FSIP1: variants seen among roughly 807,000 people sequenced by gnomAD.
The protein encoded by FSIP1 is fibrous sheath interacting protein 1, also known as fibrous sheath-interacting protein 1.
FSIP1 carries 65 observed loss-of-function variants against 60.9 expected under a neutral mutation model. The observed-to-expected ratio is 1.07, with a 90% CI of 0.87 to 1.31. FSIP1 has a LOEUF of 1.31. FSIP1 is among the 40% of genes most tolerant of loss of function. FSIP1 has a pLI of 0.00. For missense variants in FSIP1, 675 were observed against 665.5 expected (o/e 1.01, Z -0.16); for synonymous variants, 209 against 221.2 (o/e 0.94, Z 0.49).
chr15:39,721,656 T>C (rs1231327604), intron 9 of FSIP1, among the ~76,000 whole-genome samples: 1 of 152,180 alleles, frequency 6.6e-6, no homozygotes, highest in Non-Finnish European at 1.5e-5. Context: ...GCTGAACAAG[T>C]AACATAAATG....
chr15:39,659,310 A>C (rs1043713304), intron 10 of FSIP1, among the ~76,000 whole-genome samples: 1 of 152,178 alleles, frequency 6.6e-6, no homozygotes, highest in African/African-American at 2.4e-5. Context: ...TGGGAGGCTG[A>C]GGCTGGCGGA....
intron 5 of FSIP1, among the ~76,000 whole-genome samples, chr15:39,750,389 T>G (rs1477031662): frequency 3.3e-5 from 5 of 151,958 alleles, no homozygotes; most frequent in East Asian, 1.9e-4. Context: ...GGTGATCAAA[T>G]TAGTATTACT....
At chr15:39,663,505 A>G (rs1893382077) in intron 10 of FSIP1, among the ~76,000 whole-genome samples, 1 of 152,208 alleles carries the variant, frequency 6.6e-6, no homozygotes, top group Non-Finnish European at 1.5e-5. Context: ...AGTAAAGGGA[A>G]GGTAATGAAA....
intron 11 of FSIP1, 109 bp downstream of exon 11, chr15:39,617,626 G>A: frequency 1.1e-6 from 1 of 899,178 alleles, no homozygotes; most frequent in Non-Finnish European, 1.7e-6. Flanking sequence ...GACGCTACCT[G>A]TGACTTACAA....
rs80019330 is a variant in FSIP1, at chr15:39,732,356, A to G, written c.892-5609T>C. 8.0e-3 allele frequency among the ~76,000 whole-genome samples: 1,224 copies of G among 152,306 alleles called. 17 individuals carry two copies. The highest frequency in any genetic ancestry group is 0.025 in the African/African-American group (1,054 of 41,562). On this transcript the variant is annotated intron_variant, in intron 8 of 11. Coordinates refer to ENST00000350221, the MANE Select transcript of FSIP1 (RefSeq NM_152597.5). ...GCATGACGGTTGGGCATGGTGCCTC[A>G]CGCCTGTAATCCCAGCACTCTGGGA... is the stretch of plus-strand genomic sequence containing the variant.
intron 10 of FSIP1, among the ~76,000 whole-genome samples, chr15:39,664,799 C>T (rs1396045792): frequency 6.6e-5 from 10 of 152,188 alleles, no homozygotes; most frequent in Non-Finnish European, 1.5e-4. Context: ...CCTACATGTG[C>T]TGTCGACCTT....
chr15:39,697,003 A>C (rs1894848215), intron 10 of FSIP1, among the ~76,000 whole-genome samples: 1 of 151,432 alleles, frequency 6.6e-6, no homozygotes, highest in Non-Finnish European at 1.5e-5. Context: ...CCAAGTGTTA[A>C]CTATGCTTGT....
intron 10 of FSIP1, among the ~76,000 whole-genome samples, chr15:39,651,509 C>A (rs1892867894): frequency 6.6e-6 from 1 of 152,128 alleles, no homozygotes; most frequent in African/African-American, 2.4e-5. Flanking sequence ...TGACTTTGGG[C>A]AAGTTACTTC....
chr15:39,727,242 C>A (rs1031644465), intron 8 of FSIP1, among the ~76,000 whole-genome samples: 1 of 152,204 alleles, frequency 6.6e-6, no homozygotes, highest in Non-Finnish European at 1.5e-5. Flanking sequence ...CAAACCCATT[C>A]ATTACATTCA....
At chr15:39,626,387 TC>T (rs1244070452) in intron 10 of FSIP1, among the ~76,000 whole-genome samples, 1 of 152,074 alleles carries the variant, frequency 6.6e-6, no homozygotes, top group Non-Finnish European at 1.5e-5. Flanking sequence ...GGGGAGTGTA[TC>T]CAAAACCCTC....
At chr15:39,619,809 T>C (rs1020228716) in intron 10 of FSIP1, among the ~76,000 whole-genome samples, 3 of 152,118 alleles carry the variant, frequency 2.0e-5, no homozygotes, top group Non-Finnish European at 4.4e-5. Flanking sequence ...GTGTCATCCT[T>C]ACCAAACATC....
At chr15:39,611,289 C>T (rs773332461) in intron 11 of FSIP1, among the ~76,000 whole-genome samples, 1 of 151,790 alleles carries the variant, frequency 6.6e-6, no homozygotes, top group Non-Finnish European at 1.5e-5. Context: ...CTTAAAATAG[C>T]CTGTTATAAT....
chr15:39,781,754 T>C (rs1898272193), intron 1 of FSIP1, among the ~76,000 whole-genome samples: 1 of 152,240 alleles, frequency 6.6e-6, no homozygotes, highest in South Asian at 2.1e-4. Context: ...TATGACATTC[T>C]GGAATAGGCA....
At chr15:39,620,276 TAACTA>T (rs1328584871) in intron 10 of FSIP1, among the ~76,000 whole-genome samples, 3 of 152,306 alleles carry the variant, frequency 2.0e-5, no homozygotes, top group African/African-American at 7.2e-5. Flanking sequence ...AATTGTGACT[TAACTA>T]TTTTGGGGAA....
rs770535309 is a variant in FSIP1 at position 39,726,590 on chromosome 15, T to C, written c.1049A>G (p.Gln350Arg). The C allele has an allele frequency of 5.6e-6, 9 of 1,613,942 alleles. No individual in the cohort carries two copies. The Admixed American group carries it at 1.0e-4, about 18-fold the overall frequency. ...ACAGTCTATGGGTTCTTCAAATACC[T>C]GATTATTCCGATTTTCAAGTCTTGG... Reference protein sequence around the residue: ...FSPRLENRNNQKPDRDGERNM... With the variant: ...FSPRLENRNNRKPDRDGERNM... The change falls in exon 9 of 12, where the codon CAG becomes CGG. Residue 350 changes from glutamine (Q) to arginine (R), a missense_variant and splice_region_variant. Coordinates refer to ENST00000350221, the MANE Select transcript of FSIP1 (RefSeq NM_152597.5).
intron 5 of FSIP1, among the ~76,000 whole-genome samples, chr15:39,751,304 C>G (rs977405763): frequency 7.9e-5 from 12 of 151,792 alleles, no homozygotes; most frequent in African/African-American, 2.9e-4. Flanking sequence ...ATCACCACCT[C>G]ATAAAGACAT....
intron 10 of FSIP1, among the ~76,000 whole-genome samples, chr15:39,680,387 T>C (rs1440174967): frequency 6.6e-6 from 1 of 152,206 alleles, no homozygotes; most frequent in Non-Finnish European, 1.5e-5. Context: ...TCTGTTTTCT[T>C]TTGACATGGT....
intron 10 of FSIP1, among the ~76,000 whole-genome samples, chr15:39,711,313 CT>C (rs59160196): frequency 0.12 from 18,879 of 152,134 alleles, 1,392 homozygotes; most frequent in African/African-American, 0.2. Flanking sequence ...AATGAGTCCC[CT>C]GGGGCCTCTT....
chr15:39,745,086 G>A (rs569465057), intron 5 of FSIP1, among the ~76,000 whole-genome samples: 32 of 150,634 alleles, frequency 2.1e-4, no homozygotes, highest in African/African-American at 7.6e-4. Flanking sequence ...CCAGATTCAC[G>A]CGCCACCCCG....
Sources: allele counts gnomAD v4.1 joint callset (sites outside exome capture counted in the v4.1 genomes callset), GRCh38; gene constraint gnomAD v4.1.1; transcripts MANE v1.5; gene names NCBI Gene and HGNC (gene_info 2026-07-23, HGNC 2026-07-21).